FMR1: variants seen among roughly 807,000 people sequenced by gnomAD.
FMR1 encodes FMRP translational regulator 1.
A neutral mutation model predicts 50.6 loss-of-function variants in FMR1; 13 were observed. The ratio of observed to expected loss-of-function variants is 0.26; its 90% CI spans 0.17 to 0.41. The LOEUF is 0.41. Ranked by LOEUF, FMR1 falls within the 10% of genes least tolerant of loss-of-function variation. The pLI, the probability that FMR1 is intolerant of heterozygous loss-of-function variation, is 1.00. For synonymous variants in FMR1, 138 were observed against 164.1 expected, an observed-to-expected ratio of 0.84 and a Z score of 1.22; for missense variants, 316 against 491.3, an observed-to-expected ratio of 0.64 and a Z score of 3.37.
At chrX:147,942,650 G>A (rs1325109655) in intron 13 of FMR1, among the ~76,000 whole-genome samples, 1 of 112,295 alleles carries the variant, frequency 8.9e-6, no homozygotes, top group Non-Finnish European at 1.9e-5. Flanking sequence ...CAAACTCAAT[G>A]CTTTGTAAAT....
chrX:147,932,899 GTTCTT>G (rs1557179003), intron 9 of FMR1, 136 bp downstream of exon 9: 2 of 476,121 alleles, frequency 4.2e-6, no homozygotes, highest in East Asian at 3.8e-5. Context: ...AATATGATCT[GTTCTT>G]TTTTTTTATT....
chrX:147,930,957 G>A (rs1301607619), intron 7 of FMR1: 1 of 112,190 alleles, frequency 8.9e-6, no homozygotes, highest in African/African-American at 3.2e-5. Flanking sequence ...TGCATTTTAG[G>A]AGAAAAGGTA....
chrX:147,943,473 T>C (rs2044073122), intron 14 of FMR1, 147 bp downstream of exon 14: 3 of 530,056 alleles, frequency 5.7e-6, no homozygotes, highest in East Asian at 3.6e-5. Context: ...ACAGGAGACA[T>C]AGAGTAAAAA....
intron 1 of FMR1, among the ~76,000 whole-genome samples, chrX:147,916,004 A>G (rs2042836699): frequency 8.9e-6 from 1 of 112,600 alleles, no homozygotes; most frequent in South Asian, 3.6e-4. Flanking sequence ...TTACAGTGTT[A>G]TATTACCATT....
At chrX:147,923,170 C>T (rs1557176789) in intron 2 of FMR1, among the ~76,000 whole-genome samples, 1 of 111,525 alleles carries the variant, frequency 9.0e-6, no homozygotes, top group African/African-American at 3.3e-5. Flanking sequence ...TCCTTAGATG[C>T]CTGAAACACG....
Position 147,928,653 on chromosome X carries a change from T to C in FMR1, c.271-6T>C, listed in dbSNP as rs781901925. ...TGATTAGAAGTGACTTTTATTTATT[T>C]CTCAGTTTTATGTGATAGAATATGC... On this transcript the variant is annotated splice_polypyrimidine_tract_variant and splice_region_variant and intron_variant, in intron 4 of 16. Coordinates refer to ENST00000370475, the MANE Select transcript of FMR1 (RefSeq NM_002024.6). 7.2e-5 allele frequency: 86 copies of C among 1,194,090 alleles called. 1 individual carries two copies. In the South Asian group the frequency reaches 1.3e-3, roughly 19 times the overall value.
chrX:147,913,866 C>T (rs1432268083), intron 1 of FMR1: 3 of 111,770 alleles, frequency 2.7e-5, no homozygotes, highest in Non-Finnish European at 5.6e-5. Flanking sequence ...ATTTCTGGCA[C>T]TAATAACTAT....
chrX:147,930,295 CTG>C (rs2043548326), intron 7 of FMR1, 51 bp downstream of exon 7: 2 of 725,845 alleles, frequency 2.8e-6, no homozygotes, highest in East Asian at 6.3e-5. Flanking sequence ...GAACGATTAA[CTG>C]TATCATTCCA....
At chrX:147,945,479 C>A in intron 15 of FMR1, 55 bp from the exon 16 acceptor site, 1 of 975,095 alleles carries the variant, frequency 1.0e-6, no homozygotes, top group South Asian at 2.0e-5. Context: ...TAAAGAACTT[C>A]CAGTAAGCAT....
In FMR1 at chrX:147,948,127, C is replaced by T. The variant is rs25720; in HGVS notation, c.1738-556C>T. On this transcript the variant is annotated intron_variant, in intron 16 of 16. Transcript: ENST00000370475. Reference sequence around the variant, plus strand: ...TAGTGAAATACAAGCCAGTAGAAACCAAAGCTCGTGTTTTTCTACTGTATG... The same window carrying T: ...TAGTGAAATACAAGCCAGTAGAAACTAAAGCTCGTGTTTTTCTACTGTATG... Among the ~76,000 whole-genome samples, 622 of 111,890 alleles carry T rather than the reference C, an allele frequency of 5.6e-3. 5 individuals are homozygous for T. The highest frequency in any genetic ancestry group is 0.019 in the African/African-American group (580 of 30,785).
chrX:147,940,333 A>G, intron 12 of FMR1: 1 of 373,114 alleles, frequency 2.7e-6, no homozygotes, highest in Non-Finnish European at 4.7e-6. Flanking sequence ...CTGATACTGA[A>G]TACTAGTCTT....
chrX:147,933,253 G>T (rs1448340995), intron 9 of FMR1: 3 of 305,762 alleles, frequency 9.8e-6, no homozygotes, highest in African/African-American at 8.4e-5. Flanking sequence ...ATCTTGCCCA[G>T]CCCTCCTGAC....
Position 147,940,559 on chromosome X carries a change from T to TG in FMR1, c.1189-16dup, listed in dbSNP as rs781862122. On this transcript the variant is annotated splice_polypyrimidine_tract_variant and intron_variant, in intron 12 of 16. Coordinates refer to ENST00000370475, the MANE Select transcript of FMR1 (RefSeq NM_002024.6). ...ATCATTACTTTTATAGGATCATTGTTGCAATTTCTTTTTCAGGGTATGGTA... is the reference window on the plus strand; with the variant it reads ...ATCATTACTTTTATAGGATCATTGTTGGCAATTTCTTTTTCAGGGTATGGTA... The TG allele has an allele frequency of 2.9e-5, 31 of 1,070,659 alleles. No individual in the cohort carries two copies. The highest frequency in any genetic ancestry group is 4.0e-5 in the Non-Finnish European group (31 of 767,837). 88.2% of individuals were successfully genotyped at this position (1,070,659 alleles called of 1,213,427 possible).
chrX:147,914,682 A>T (rs1298310054), intron 1 of FMR1, among the ~76,000 whole-genome samples: 1 of 112,111 alleles, frequency 8.9e-6, no homozygotes, highest in African/African-American at 3.2e-5. Context: ...CACTACTTTT[A>T]TGCTTAGGTA....
chrX:147,948,515 A>T (rs1241131276), intron 16 of FMR1, 168 bp from the exon 17 acceptor site: 1 of 1,098,706 alleles, frequency 9.1e-7, no homozygotes, highest in East Asian at 3.3e-5. Context: ...ATCATAAACC[A>T]AATAAAGAAT....
intron 13 of FMR1, among the ~76,000 whole-genome samples, chrX:147,942,644 C>A (rs1284237906): frequency 1.8e-5 from 2 of 112,420 alleles, no homozygotes; most frequent in Non-Finnish European, 3.8e-5. Context: ...ATGGCCCAAA[C>A]TCAATGCTTT....
At chrX:147,917,249 T>G (rs1304283792) in intron 1 of FMR1, among the ~76,000 whole-genome samples, 4 of 111,982 alleles carry the variant, frequency 3.6e-5, no homozygotes, top group African/African-American at 1.3e-4. Context: ...AGGGAAGGAA[T>G]GTGAGGTGTC....
Position 147,943,160 on chromosome X carries a change from A to T in FMR1, c.1305A>T (p.Leu435Phe), listed in dbSNP as rs782280999. Residue 435 changes from leucine to phenylalanine, a missense_variant, in exon 14 of 17, where the codon TTA (leucine) becomes TTT (phenylalanine). Leu to Phe is a conservative substitution (Grantham distance 22). This residue lies in a region of FMR1 where 15 missense variants were observed against 40.9 expected (regional missense o/e 0.37). Transcript: ENST00000370475. The stretch of plus-strand genomic sequence containing the variant: ...TAGACCAGTTGCGTTTGGAGAGATT[A>T]CAAATTGATGAGCAGTTGCGACAGA... Reference protein sequence around the residue: ...KEVDQLRLERLQIDEQLRQIG... With the variant: ...KEVDQLRLERFQIDEQLRQIG... 1 of 1,210,899 alleles carries T rather than the reference A, an allele frequency of 8.3e-7. No individual in the cohort carries two copies. The highest frequency in any genetic ancestry group is 1.1e-6 in the Non-Finnish European group (1 of 894,572).
chrX:147,949,649 C>G lies in FMR1; in HGVS notation c.*805C>G, dbSNP rs1339846859. The G allele has an allele frequency of 6.1e-6, 2 of 327,406 alleles. No individual in the cohort carries two copies. The highest frequency in any genetic ancestry group is 5.3e-5 in the African/African-American group (2 of 37,470). 27.0% of individuals were successfully genotyped at this position (327,406 alleles called of 1,213,427 possible). Reference sequence around the variant, plus strand: ...TTATTGAGAGAGATGTGTAATTTTTCTGTATAGACAGGAGAAGAAAGAACT... The same window carrying G: ...TTATTGAGAGAGATGTGTAATTTTTGTGTATAGACAGGAGAAGAAAGAACT... On this transcript the variant is annotated 3_prime_UTR_variant, in exon 17 of 17. Transcript: ENST00000370475.
Sources: allele counts gnomAD v4.1 joint callset (sites outside exome capture counted in the v4.1 genomes callset), GRCh38; gene constraint gnomAD v4.1.1; regional missense constraint gnomAD v4.1.1; transcripts MANE v1.5; gene names NCBI Gene and HGNC (gene_info 2026-07-23, HGNC 2026-07-21).